The following KLHL1 variants were observed in gnomAD, a reference collection of about 807,000 sequenced individuals.
KLHL1 encodes kelch like family member 1.
In KLHL1, 47 loss-of-function variants were observed where a neutral mutation model predicts 77.7. The observed-to-expected ratio is 0.60, with a 90% CI of 0.48 to 0.77. The LOEUF (loss-of-function observed/expected upper bound fraction) is 0.77, where lower values mean the gene tolerates loss of function less well. Among genes scored for constraint, KLHL1 ranks in the 30% least tolerant of loss-of-function variants. The pLI is 0.00. For synonymous variants in KLHL1, 360 were observed against 325.2 expected (o/e 1.11, Z -1.15); for missense variants, 925 against 910.8 (o/e 1.02, Z -0.20).
chr13:70,012,892 G>T (rs1885571199), intron 1 of KLHL1, among the ~76,000 whole-genome samples: 1 of 116,542 alleles, frequency 8.6e-6, no homozygotes, highest in African/African-American at 3.2e-5. Context: ...GACAGAGCAA[G>T]ATTCTGTATA....
At chr13:70,027,649 GTTGT>G (rs1466680822) in intron 1 of KLHL1, among the ~76,000 whole-genome samples, 3 of 109,336 alleles carry the variant, frequency 2.7e-5, no homozygotes, top group Non-Finnish European at 3.5e-5. Context: ...CAAAATGTAA[GTTGT>G]TTTTTTTTTT....
intron 4 of KLHL1, among the ~76,000 whole-genome samples, chr13:69,895,303 T>G (rs759718203): frequency 8.5e-5 from 13 of 152,130 alleles, no homozygotes; most frequent in Non-Finnish European, 1.6e-4. Flanking sequence ...CTTCTTTTCT[T>G]GTTTGTGTTA....
At chr13:69,764,719 C>T (rs1875186244) in intron 7 of KLHL1, among the ~76,000 whole-genome samples, 1 of 151,896 alleles carries the variant, frequency 6.6e-6, no homozygotes. Context: ...TTTAGAAATG[C>T]AGAATACCTC....
chr13:69,901,864 C>A (rs1342932547), intron 4 of KLHL1, among the ~76,000 whole-genome samples: 14 of 146,774 alleles, frequency 9.5e-5, no homozygotes, highest in African/African-American at 3.5e-4. Flanking sequence ...ATGGCGCCAT[C>A]TTGGCTCAAT....
intron 2 of KLHL1, among the ~76,000 whole-genome samples, chr13:69,967,925 A>T (rs1884265994): frequency 6.6e-6 from 1 of 151,924 alleles, no homozygotes. Flanking sequence ...TATTACACAA[A>T]CTTAATTGAC....
intron 5 of KLHL1, among the ~76,000 whole-genome samples, chr13:69,851,768 T>C (rs1465641848): frequency 6.6e-6 from 1 of 151,776 alleles, no homozygotes; most frequent in Non-Finnish European, 1.5e-5. Context: ...TCATTTACAG[T>C]AAGTTTCTGG....
At chr13:69,906,815 A>G (rs992492642) in intron 4 of KLHL1, among the ~76,000 whole-genome samples, 14 of 151,974 alleles carry the variant, frequency 9.2e-5, no homozygotes, top group Admixed American at 9.2e-4. Flanking sequence ...ATCTTATCAA[A>G]TCTACTGAAG....
chr13:69,822,820 A>G (rs1487672000), intron 6 of KLHL1, among the ~76,000 whole-genome samples: 1 of 152,200 alleles, frequency 6.6e-6, no homozygotes, highest in Non-Finnish European at 1.5e-5. Flanking sequence ...ATTATCTGAT[A>G]AAGATTAAAT....
intron 10 of KLHL1, 56 bp from the exon 11 acceptor site, chr13:69,701,817 C>A: frequency 8.1e-7 from 1 of 1,228,052 alleles, no homozygotes; most frequent in African/African-American, 1.6e-5. Flanking sequence ...AAATATAAAA[C>A]TTATATTTTA....
intron 6 of KLHL1, among the ~76,000 whole-genome samples, chr13:69,811,804 T>C (rs1340989770): frequency 6.6e-6 from 1 of 152,196 alleles, no homozygotes; most frequent in Non-Finnish European, 1.5e-5. Context: ...TTCTTCTTTA[T>C]TAGTCTTGCT....
intron 5 of KLHL1, among the ~76,000 whole-genome samples, chr13:69,849,186 C>T (rs555177107): frequency 6.6e-6 from 1 of 151,554 alleles, no homozygotes; most frequent in Non-Finnish European, 1.5e-5. Flanking sequence ...TTTTCACTCA[C>T]CACTAATCTA....
intron 7 of KLHL1, among the ~76,000 whole-genome samples, chr13:69,784,206 A>T (rs1247987404): frequency 2.6e-5 from 4 of 152,126 alleles, no homozygotes; most frequent in Non-Finnish European, 5.9e-5. Flanking sequence ...GAAAGGAAAA[A>T]CCGGTACCAG....
chr13:70,032,667 T>C (rs1028796166), intron 1 of KLHL1, among the ~76,000 whole-genome samples: 6 of 152,178 alleles, frequency 3.9e-5, no homozygotes, highest in Admixed American at 2.6e-4. Flanking sequence ...GAAAAATTCT[T>C]CAGAAAATTA....
intron 2 of KLHL1, among the ~76,000 whole-genome samples, chr13:69,970,039 C>T (rs544523234): frequency 1.3e-5 from 2 of 152,184 alleles, no homozygotes; most frequent in South Asian, 2.1e-4. Flanking sequence ...ACTTCTTATC[C>T]CAGCTTACCT....
At chr13:69,983,706 G>A (rs574192989) in intron 1 of KLHL1, among the ~76,000 whole-genome samples, 1 of 151,504 alleles carries the variant, frequency 6.6e-6, no homozygotes, top group South Asian at 2.1e-4. Flanking sequence ...GTTAAGAGTC[G>A]GCAATGACCT....
chr13:69,981,388 T>C (rs957067805), intron 1 of KLHL1, among the ~76,000 whole-genome samples: 7 of 151,912 alleles, frequency 4.6e-5, no homozygotes, highest in Non-Finnish European at 8.8e-5. Context: ...TGAAAGCAGT[T>C]TTTTTTTCTA....
intron 1 of KLHL1, among the ~76,000 whole-genome samples, chr13:69,988,928 G>C (rs561687754): frequency 1.3e-5 from 2 of 152,132 alleles, no homozygotes; most frequent in Non-Finnish European, 2.9e-5. Flanking sequence ...TGTTTGTTCT[G>C]TTGATAGGTT....
intron 4 of KLHL1, among the ~76,000 whole-genome samples, chr13:69,892,650 CAACCT>C (rs1881467118): frequency 6.6e-6 from 1 of 152,068 alleles, no homozygotes; most frequent in Admixed American, 6.5e-5. Context: ...ATTTTATTGT[CAACCT>C]AAGATTTATT....
intron 7 of KLHL1, among the ~76,000 whole-genome samples, chr13:69,779,786 A>AATTTATTTTTT (rs1407822152): frequency 6.6e-6 from 1 of 151,474 alleles, no homozygotes; most frequent in African/African-American, 2.4e-5. Context: ...TCCTATGCAA[A>AATTTATTTTTT]ATTTATTTTT....
Sources: allele counts gnomAD v4.1 joint callset (sites outside exome capture counted in the v4.1 genomes callset), GRCh38; gene constraint gnomAD v4.1.1; transcripts MANE v1.5; gene names NCBI Gene and HGNC (gene_info 2026-07-23, HGNC 2026-07-21).